The following DAPP1 variants were observed in gnomAD, a reference collection of about 807,000 sequenced individuals.
DAPP1 encodes the protein dual adaptor of phosphotyrosine and 3-phosphoinositides 1, also known as dual adapter for phosphotyrosine and 3-phosphotyrosine and 3-phosphoinositide.
In DAPP1, 20 loss-of-function variants were observed where a neutral mutation model predicts 41.5. The observed-to-expected ratio is 0.48, with a 90% CI of 0.34 to 0.70. DAPP1 has a LOEUF of 0.70. Among genes scored for constraint, DAPP1 ranks in the 30% least tolerant of loss-of-function variants. DAPP1 has a pLI of 0.01. For synonymous variants in DAPP1, 113 were observed against 116.2 expected (o/e 0.97, Z 0.18); for missense variants, 233 against 333.4 (o/e 0.70, Z 2.35).
At chr4:99,818,988 A>G (rs776451846) in intron 1 of DAPP1, among the ~76,000 whole-genome samples, 1 of 152,202 alleles carries the variant, frequency 6.6e-6, no homozygotes, top group African/African-American at 2.4e-5. Context: ...TACCAAATGC[A>G]TTAGGTAAAT....
intron 3 of DAPP1, among the ~76,000 whole-genome samples, chr4:99,852,299 G>A (rs908344625): frequency 3.9e-5 from 6 of 152,030 alleles, no homozygotes; most frequent in African/African-American, 1.4e-4. Context: ...GCTTGCTATA[G>A]AAAAGACCCT....
In DAPP1 at chr4:99,826,106, C is replaced by A. The variant is rs113651527; in HGVS notation, c.101+9092C>A. The stretch of plus-strand genomic sequence containing the variant: ...CAGATTAAACCTTAGAGTGTGAACG[C>A]CTAATAGATTCATCTTTGTTCTATC... On this transcript the variant is annotated intron_variant, in intron 1 of 8. Coordinates refer to ENST00000512369, the MANE Select transcript of DAPP1 (RefSeq NM_014395.3). Among the ~76,000 whole-genome samples, 1,397 of 152,268 alleles carry A rather than the reference C, an allele frequency of 9.2e-3. 14 individuals carry two copies. Among genetic ancestry groups the A allele is most frequent in the African/African-American group, 0.032 (1,328 of 41,556 alleles).
intron 3 of DAPP1, among the ~76,000 whole-genome samples, chr4:99,841,962 C>T (rs1723509121): frequency 6.6e-6 from 1 of 152,164 alleles, no homozygotes; most frequent in Non-Finnish European, 1.5e-5. Flanking sequence ...TGATCATTCC[C>T]TGTGCTCCTT....
intron 3 of DAPP1, among the ~76,000 whole-genome samples, chr4:99,849,593 G>T (rs958896943): frequency 6.6e-6 from 1 of 152,146 alleles, no homozygotes; most frequent in Non-Finnish European, 1.5e-5. Context: ...ACCCTGCAGC[G>T]CAACTGGCCC....
chr4:99,850,695 T>A (rs1723824437), intron 3 of DAPP1, among the ~76,000 whole-genome samples: 1 of 152,218 alleles, frequency 6.6e-6, no homozygotes, highest in Non-Finnish European at 1.5e-5. Context: ...TCACAAGTAG[T>A]GATTACTAGA....
chr4:99,826,613 C>T (rs1722946542), intron 1 of DAPP1, among the ~76,000 whole-genome samples: 1 of 152,192 alleles, frequency 6.6e-6, no homozygotes, highest in Non-Finnish European at 1.5e-5. Flanking sequence ...TGCAAGATTG[C>T]TTTCTGTGTC....
Position 99,868,285 on chromosome 4 carries a change from T to A in DAPP1, c.*100T>A. The A allele has an allele frequency of 8.9e-7, 1 of 1,119,494 alleles. No individual in the cohort carries two copies. Among genetic ancestry groups the A allele is most frequent in the Non-Finnish European group, 1.3e-6 (1 of 753,098 alleles). The allele number at this position is 1,119,494 out of a possible 1,614,324, so 69.3% of individuals were successfully genotyped here. ...CTTCAAATGAAAACCGACTAAGGAT[T>A]TTCTTTCAAAAACAAATCAGAAGCA... On this transcript the variant is annotated 3_prime_UTR_variant, in exon 9 of 9. Coordinates refer to ENST00000512369, the MANE Select transcript of DAPP1 (RefSeq NM_014395.3).
At chr4:99,836,542 C>T (rs925403955) in intron 2 of DAPP1, among the ~76,000 whole-genome samples, 2 of 152,208 alleles carry the variant, frequency 1.3e-5, no homozygotes, top group Non-Finnish European at 1.5e-5. Flanking sequence ...TAAGCTCAAA[C>T]TGTTATTGTG....
chr4:99,847,974 C>T (rs1336361332), intron 3 of DAPP1, among the ~76,000 whole-genome samples: 3 of 151,422 alleles, frequency 2.0e-5, no homozygotes, highest in Admixed American at 6.6e-5. Flanking sequence ...CCACCATGCC[C>T]GGCTAATTTT....
At position 99,863,006 on chromosome 4, in the gene DAPP1, T is replaced by G. The variant is rs62305046; in HGVS notation, c.538-4T>G. The G allele has an allele frequency of 0.06, 95,103 of 1,585,582 alleles. 3,407 individuals are homozygous for G. Among genetic ancestry groups the G allele is most frequent in the Middle Eastern group, 0.12 (741 of 6,000 alleles). ...GTGTTTGTGTGTGTGTGTGTTTTTC[T>G]CAGACCTGGAAAACAAGATGGTTTA... On this transcript the variant is annotated splice_polypyrimidine_tract_variant and splice_region_variant and intron_variant, in intron 5 of 8. Coordinates refer to ENST00000512369, the MANE Select transcript of DAPP1 (RefSeq NM_014395.3).
rs529054231 is a variant in DAPP1, at chr4:99,851,399, C to T, written c.359-1819C>T. 3.3e-5 allele frequency among the ~76,000 whole-genome samples: 5 copies of T among 152,292 alleles called. No homozygotes were observed. In the South Asian group the frequency reaches 6.2e-4, roughly 19 times the overall value. Reference sequence around the variant, plus strand: ...CTCTGAGGTCGAGATCAGACACCCTCTTCTGGCTTTTCTCAACAGCTTTTC... The same window carrying T: ...CTCTGAGGTCGAGATCAGACACCCTTTTCTGGCTTTTCTCAACAGCTTTTC... On this transcript the variant is annotated intron_variant, in intron 3 of 8. Transcript: ENST00000512369.
At chr4:99,832,676 G>A (rs3756085) in intron 1 of DAPP1, among the ~76,000 whole-genome samples, 65,252 of 152,138 alleles carry the variant, frequency 0.43, 14,698 homozygotes, top group African/African-American at 0.56. Flanking sequence ...TTTCTTATGT[G>A]TTTATGGTAT....
chr4:99,857,601 C>T (rs974296609), intron 4 of DAPP1, among the ~76,000 whole-genome samples: 3 of 151,340 alleles, frequency 2.0e-5, no homozygotes, highest in African/African-American at 7.3e-5. Context: ...GCACGTTGCC[C>T]TTTTCCAGTA....
chr4:99,836,858 G>C (rs1352428914), intron 2 of DAPP1, among the ~76,000 whole-genome samples: 2 of 152,188 alleles, frequency 1.3e-5, no homozygotes, highest in Admixed American at 1.3e-4. Context: ...CTGAAATAAA[G>C]GTGTTGGAGA....
At chr4:99,834,258 A>T (rs1326623700) in intron 1 of DAPP1, among the ~76,000 whole-genome samples, 1 of 152,212 alleles carries the variant, frequency 6.6e-6, no homozygotes, top group Non-Finnish European at 1.5e-5. Flanking sequence ...AATGCCTCTA[A>T]GTGTGTAGAC....
At chr4:99,866,201 G>C in intron 8 of DAPP1, 80 bp downstream of exon 8, 1 of 807,160 alleles carries the variant, frequency 1.2e-6, no homozygotes, top group East Asian at 2.6e-5. Flanking sequence ...TATCAAAAGA[G>C]TCAGACTAGA....
chr4:99,830,687 C>A (rs933647695), intron 1 of DAPP1, among the ~76,000 whole-genome samples: 11 of 152,162 alleles, frequency 7.2e-5, no homozygotes, highest in Non-Finnish European at 1.3e-4. Flanking sequence ...GCTATTCCCT[C>A]CCATGTTATA....
chr4:99,871,724 G>A (rs1005233815), downstream of DAPP1, among the ~76,000 whole-genome samples: 3 of 152,226 alleles, frequency 2.0e-5, no homozygotes, highest in Non-Finnish European at 2.9e-5. Context: ...CTGAAGATAG[G>A]AAGGGTTGAG....
chr4:99,846,663 G>A (rs1274913294), intron 3 of DAPP1, among the ~76,000 whole-genome samples: 1 of 152,162 alleles, frequency 6.6e-6, no homozygotes, highest in African/African-American at 2.4e-5. Flanking sequence ...AAATGTTTGT[G>A]ATGTCCTCTT....
Sources: allele counts gnomAD v4.1 joint callset (sites outside exome capture counted in the v4.1 genomes callset), GRCh38; gene constraint gnomAD v4.1.1; transcripts MANE v1.5; gene names NCBI Gene and HGNC (gene_info 2026-07-23, HGNC 2026-07-21).